Variants in PLXNA4 observed in about 807,000 individuals in gnomAD.
PLXNA4 encodes the protein plexin A4.
In PLXNA4, 44 loss-of-function variants were observed where a neutral mutation model predicts 191.8. The ratio of observed to expected loss-of-function variants is 0.23; its 90% CI spans 0.18 to 0.29. The LOEUF (loss-of-function observed/expected upper bound fraction) is 0.29, where lower values mean the gene tolerates loss of function less well. PLXNA4 is among the 10% of genes least tolerant of loss of function. The pLI is 1.00. For synonymous variants in PLXNA4, 1,082 were observed against 1,009.5 expected, an observed-to-expected ratio of 1.07 and a Z score of -1.36; for missense variants, 1,800 against 2,488.8, an observed-to-expected ratio of 0.72 and a Z score of 5.89.
At position 132,464,862 on chromosome 7, in the gene PLXNA4, A is replaced by G. The variant is rs139287309; in HGVS notation, c.1371+24430T>C. On this transcript the variant is annotated intron_variant, in intron 3 of 31. Transcript: ENST00000321063. ...CTACAAAAAGATTCCTCAGATGGAA[A>G]CAGCTCTTCCTAAGGACGAGTGTGG... Among the ~76,000 whole-genome samples the G allele has an allele frequency of 1.0e-3, 153 of 152,354 alleles. 2 individuals are homozygous for G. In the East Asian group the frequency reaches 0.023, roughly 23 times the overall value.
intron 20 of PLXNA4, among the ~76,000 whole-genome samples, chr7:132,175,413 C>G (rs568697948): frequency 6.6e-6 from 1 of 152,314 alleles, no homozygotes; most frequent in East Asian, 1.9e-4. Context: ...AGACACAAGT[C>G]TGGACCATGC....
Position 132,148,627 on chromosome 7 carries a change from C to A in PLXNA4, c.4680G>T (p.Gly1560=), listed in dbSNP as rs754395740. The A allele has an allele frequency of 5.6e-6, 9 of 1,614,004 alleles. No homozygotes were observed. In the East Asian group the frequency reaches 1.8e-4, roughly 32 times the overall value. ...DMDLEWRQGS[G]ARMILQDEDI... Reference sequence around the variant, plus strand: ...CTTCATCCTGCAAGATCATCCTTGCCCCACTTCCTTGTCGCCACTCTGCCA... The same window carrying A: ...CTTCATCCTGCAAGATCATCCTTGCACCACTTCCTTGTCGCCACTCTGCCA... The change falls in exon 26 of 32, where the codon GGG becomes GGT. Residue 1560 remains glycine, a synonymous_variant. Transcript: ENST00000321063.
At chr7:132,210,537 G>A (rs1018565662) in intron 10 of PLXNA4, among the ~76,000 whole-genome samples, 4 of 152,192 alleles carry the variant, frequency 2.6e-5, no homozygotes, top group Non-Finnish European at 5.9e-5. Flanking sequence ...GAAGGTGGTG[G>A]GATGTCTTTG....
chr7:132,630,893 TG>T (rs2116878511), intron 2 of PLXNA4, among the ~76,000 whole-genome samples: 1 of 152,358 alleles, frequency 6.6e-6, no homozygotes, highest in East Asian at 1.9e-4. Flanking sequence ...TAAGTTTACC[TG>T]GTATTCCTCA....
At chr7:132,426,688 T>G (rs956696313) in intron 3 of PLXNA4, among the ~76,000 whole-genome samples, 13 of 152,148 alleles carry the variant, frequency 8.5e-5, no homozygotes, top group Admixed American at 3.9e-4. Flanking sequence ...ACATATAGTC[T>G]TCTGGAAAGC....
At chr7:132,185,927 C>T (rs1017095768) in intron 15 of PLXNA4, among the ~76,000 whole-genome samples, 1 of 152,184 alleles carries the variant, frequency 6.6e-6, no homozygotes, top group Non-Finnish European at 1.5e-5. Context: ...TGGAGTTGAG[C>T]CCCATCTGTT....
intron 4 of PLXNA4, among the ~76,000 whole-genome samples, chr7:132,294,032 C>T (rs2116477912): frequency 6.6e-6 from 1 of 152,286 alleles, no homozygotes; most frequent in South Asian, 2.1e-4. Context: ...AAATCATATT[C>T]TTATGGAGTT....
intron 2 of PLXNA4, among the ~76,000 whole-genome samples, chr7:132,633,244 TCCAG>T (rs1396438656): frequency 6.6e-6 from 1 of 151,276 alleles, no homozygotes; most frequent in African/African-American, 2.4e-5. Context: ...CACAATTTGC[TCCAG>T]GTGATTGAGA....
chr7:132,511,239 T>A (rs1279302783), intron 1 of PLXNA4, among the ~76,000 whole-genome samples: 1 of 152,202 alleles, frequency 6.6e-6, no homozygotes, highest in Non-Finnish European at 1.5e-5. Context: ...TTCACATAGC[T>A]TGGCTCACAT....
chr7:132,249,257 C>T (rs1799164333), intron 4 of PLXNA4, among the ~76,000 whole-genome samples: 1 of 152,218 alleles, frequency 6.6e-6, no homozygotes, highest in African/African-American at 2.4e-5. Flanking sequence ...TCACAAAATA[C>T]TACCAATACA....
chr7:132,380,036 C>T (rs1373034773), intron 3 of PLXNA4, among the ~76,000 whole-genome samples: 1 of 152,190 alleles, frequency 6.6e-6, no homozygotes, highest in Non-Finnish European at 1.5e-5. Flanking sequence ...AGAGGCAGGG[C>T]TCACCACATT....
At chr7:132,259,482 G>GAAAAAAAAAAAAAAAAAAAAAAAAAAA (rs1414792493) in intron 4 of PLXNA4, among the ~76,000 whole-genome samples, 1 of 111,364 alleles carries the variant, frequency 9.0e-6, no homozygotes, top group Non-Finnish European at 1.8e-5. Flanking sequence ...AAGAAAAAAG[G>GAAAAAAAAAAAAAAAAAAAAAAAAAAA]AAAAAAGAAA....
intron 3 of PLXNA4, among the ~76,000 whole-genome samples, chr7:132,391,924 T>A (rs1585072610): frequency 6.6e-6 from 1 of 151,896 alleles, no homozygotes. Context: ...GTCAGGAGTT[T>A]AAGACCAGCC....
At chr7:132,333,999 T>C (rs1802705294) in intron 3 of PLXNA4, among the ~76,000 whole-genome samples, 1 of 152,224 alleles carries the variant, frequency 6.6e-6, no homozygotes, top group African/African-American at 2.4e-5. Flanking sequence ...TGTACACATA[T>C]TTAGCTGCTG....
At chr7:132,152,349 T>C (rs1795670457) in intron 25 of PLXNA4, among the ~76,000 whole-genome samples, 2 of 152,178 alleles carry the variant, frequency 1.3e-5, no homozygotes, top group African/African-American at 2.4e-5. Flanking sequence ...ACCTTAGATA[T>C]GAAGGCCAGC....
intron 2 of PLXNA4, among the ~76,000 whole-genome samples, chr7:132,614,843 G>A (rs1803120445): frequency 6.6e-6 from 1 of 152,220 alleles, no homozygotes; most frequent in Non-Finnish European, 1.5e-5. Context: ...GCAAGCTGCA[G>A]AGAAAGAGGA....
At chr7:132,294,838 T>C (rs1184479267) in intron 4 of PLXNA4, among the ~76,000 whole-genome samples, 1 of 152,122 alleles carries the variant, frequency 6.6e-6, no homozygotes, top group African/African-American at 2.4e-5. Context: ...ACACCAGGGC[T>C]GTGCACACAG....
At position 132,311,193 on chromosome 7, in the gene PLXNA4, T is replaced by TGTGTGTGTGTGTGCGC. The variant is rs71178034; in HGVS notation, c.1372-12972_1372-12971insGCGCACACACACACAC. Among the ~76,000 whole-genome samples the TGTGTGTGTGTGTGCGC allele has an allele frequency of 5.7e-3, 511 of 89,880 alleles. 5 individuals carry two copies. Among genetic ancestry groups the TGTGTGTGTGTGTGCGC allele is most frequent in the Non-Finnish European group, 7.9e-3 (320 of 40,616 alleles). 59.0% of individuals were successfully genotyped at this position (89,880 alleles called of 152,430 possible). A position where few individuals can be genotyped will look rare whatever the true frequency, so the allele number is the denominator to read the frequency against. ...GTGTGTGTGTGTGTGTGTGTGTGTG[T>TGTGTGTGTGTGTGCGC]GCGCGTGTGGCCTAAAGGAGGGTCA... On this transcript the variant is annotated intron_variant, in intron 3 of 31. Coordinates refer to ENST00000321063, the MANE Select transcript of PLXNA4 (RefSeq NM_020911.2).
At chr7:132,284,498 T>C (rs1303068435) in intron 4 of PLXNA4, among the ~76,000 whole-genome samples, 3 of 152,166 alleles carry the variant, frequency 2.0e-5, no homozygotes, top group African/African-American at 7.2e-5. Flanking sequence ...CCAGAGGGCC[T>C]TCCTCTCCTG....
Sources: allele counts gnomAD v4.1 joint callset (sites outside exome capture counted in the v4.1 genomes callset), GRCh38; gene constraint gnomAD v4.1.1; transcripts MANE v1.5; gene names NCBI Gene and HGNC (gene_info 2026-07-23, HGNC 2026-07-21).